Variants in CHRM3 observed in about 807,000 individuals in gnomAD.
CHRM3 encodes the protein muscarinic acetylcholine receptor M3.
A neutral mutation model predicts 41.8 loss-of-function variants in CHRM3; 11 were observed. That is an observed-to-expected ratio of 0.26 (90% confidence interval 0.17 to 0.44). The LOEUF (loss-of-function observed/expected upper bound fraction) is 0.44, where lower values mean the gene tolerates loss of function less well. CHRM3 is among the 20% of genes least tolerant of loss of function. The pLI, the probability that CHRM3 is intolerant of heterozygous loss-of-function variation, is 1.00. For missense variants in CHRM3, 571 were observed against 745.4 expected, an observed-to-expected ratio of 0.77 and a Z score of 2.72; for synonymous variants, 297 against 301.4, an observed-to-expected ratio of 0.99 and a Z score of 0.15.
At chr1:239,649,078 A>C (rs1458439489) in intron 4 of CHRM3, among the ~76,000 whole-genome samples, 1 of 152,182 alleles carries the variant, frequency 6.6e-6, no homozygotes, top group Non-Finnish European at 1.5e-5. Context: ...AGTGTTTATT[A>C]TAGAAATGTT....
chr1:239,735,688 A>C (rs1347850015), intron 5 of CHRM3, among the ~76,000 whole-genome samples: 1 of 152,072 alleles, frequency 6.6e-6, no homozygotes, highest in Non-Finnish European at 1.5e-5. Flanking sequence ...TTGCCTCTTG[A>C]GGGTTGATTT....
At chr1:239,707,013 T>C (rs1004760684) in intron 5 of CHRM3, 2 of 152,204 alleles carry the variant, frequency 1.3e-5, no homozygotes, top group African/African-American at 4.8e-5. Flanking sequence ...TGTATGGTAG[T>C]AGAAGGAACA....
chr1:239,712,768 A>G (rs900319644), intron 5 of CHRM3, among the ~76,000 whole-genome samples: 4 of 152,196 alleles, frequency 2.6e-5, no homozygotes, highest in African/African-American at 7.2e-5. Flanking sequence ...CCAATGTTTC[A>G]TCATGGACAA....
At chr1:239,855,367 G>A (rs1675021263) in intron 6 of CHRM3, among the ~76,000 whole-genome samples, 1 of 152,132 alleles carries the variant, frequency 6.6e-6, no homozygotes, top group African/African-American at 2.4e-5. Context: ...ACCTAACTCA[G>A]TGTTGACACA....
In CHRM3 at chr1:239,534,468, C is replaced by T. The variant is rs115688282; in HGVS notation, c.-421-11173C>T. ...CCATTTGATGAACTGGGATATGGAT[C>T]GCTGGCTAAGTTAATGTCATGTAAC... On this transcript the variant is annotated intron_variant, in intron 2 of 6. Transcript: ENST00000676153. 3.4e-3 allele frequency among the ~76,000 whole-genome samples: 522 copies of T among 152,300 alleles called. 4 individuals carry two copies. The highest frequency in any genetic ancestry group is 0.012 in the African/African-American group (499 of 41,568).
chr1:239,795,311 G>A (rs542141271), intron 5 of CHRM3, among the ~76,000 whole-genome samples: 3 of 152,190 alleles, frequency 2.0e-5, no homozygotes, highest in South Asian at 2.1e-4. Context: ...TTTAATTGAC[G>A]ATCCTTAAAG....
At chr1:239,607,210 T>TA (rs1666434388) in intron 3 of CHRM3, among the ~76,000 whole-genome samples, 1 of 152,158 alleles carries the variant, frequency 6.6e-6, no homozygotes, top group Non-Finnish European at 1.5e-5. Context: ...AGCATTCACT[T>TA]AATGACTCAG....
At chr1:239,889,650 T>C (rs948085994) in intron 6 of CHRM3, among the ~76,000 whole-genome samples, 1 of 152,234 alleles carries the variant, frequency 6.6e-6, no homozygotes, top group African/African-American at 2.4e-5. Context: ...CTACCTCCTG[T>C]ATCACATTCA....
chr1:239,656,852 T>G (rs1672764608), intron 4 of CHRM3, among the ~76,000 whole-genome samples: 1 of 152,194 alleles, frequency 6.6e-6, no homozygotes. Context: ...GATATATTCC[T>G]TGAAATATGT....
chr1:239,792,887 G>A (rs553453607), intron 5 of CHRM3, among the ~76,000 whole-genome samples: 6 of 152,230 alleles, frequency 3.9e-5, no homozygotes, highest in African/African-American at 7.2e-5. Context: ...CAAGACCTTC[G>A]CCTTTGTTTG....
chr1:239,560,738 G>A (rs1660778229), intron 3 of CHRM3, among the ~76,000 whole-genome samples: 1 of 151,878 alleles, frequency 6.6e-6, no homozygotes, highest in Non-Finnish European at 1.5e-5. Context: ...CTGTGTCTGG[G>A]TCCATTTTCC....
intron 3 of CHRM3, among the ~76,000 whole-genome samples, chr1:239,618,936 A>G (rs1668047208): frequency 6.7e-6 from 1 of 148,640 alleles, no homozygotes; most frequent in Non-Finnish European, 1.5e-5. Flanking sequence ...TATTTTTGAG[A>G]TGGAATCTCA....
At chr1:239,684,658 A>G (rs1048165777) in intron 5 of CHRM3, among the ~76,000 whole-genome samples, 1 of 151,322 alleles carries the variant, frequency 6.6e-6, no homozygotes, top group Non-Finnish European at 1.5e-5. Flanking sequence ...CTCAAAAAAA[A>G]GAAAAAAGAA....
chr1:239,745,351 C>T (rs1461941812), intron 5 of CHRM3, among the ~76,000 whole-genome samples: 3 of 151,856 alleles, frequency 2.0e-5, no homozygotes, highest in South Asian at 2.1e-4. Context: ...CACAGGTAGA[C>T]GTGTACCTAC....
chr1:239,628,851 C>A (rs1339898205), intron 3 of CHRM3, among the ~76,000 whole-genome samples: 1 of 69,184 alleles, frequency 1.4e-5, no homozygotes, highest in African/African-American at 7.1e-5. Context: ...AGGAGGCAGT[C>A]TGCCCGTTCT....
intron 2 of CHRM3, among the ~76,000 whole-genome samples, chr1:239,530,636 G>T (rs1477467375): frequency 1.3e-5 from 2 of 152,120 alleles, no homozygotes; most frequent in Non-Finnish European, 2.9e-5. Flanking sequence ...TAAAGTATGT[G>T]CGTGATCCTT....
intron 4 of CHRM3, among the ~76,000 whole-genome samples, chr1:239,668,482 A>G (rs904399763): frequency 2.5e-4 from 38 of 152,160 alleles, no homozygotes; most frequent in African/African-American, 8.9e-4. Context: ...TACCTTTTAC[A>G]TAAAGACCAT....
intron 4 of CHRM3, among the ~76,000 whole-genome samples, chr1:239,654,551 A>G (rs1004401363): frequency 6.6e-6 from 1 of 151,932 alleles, no homozygotes; most frequent in Non-Finnish European, 1.5e-5. Context: ...GGCACACACC[A>G]CCCATCCTGG....
intron 5 of CHRM3, among the ~76,000 whole-genome samples, chr1:239,785,466 C>CAA (rs1348454361): frequency 6.6e-6 from 1 of 152,132 alleles, no homozygotes; most frequent in East Asian, 1.9e-4. Flanking sequence ...TGTGTAAACC[C>CAA]TTCGCTTTCT....
Sources: gnomAD v4.1 joint callset for allele counts (sites outside exome capture counted in the v4.1 genomes callset) on GRCh38, gnomAD v4.1.1 for gene constraint, MANE v1.5 for transcripts, NCBI Gene and HGNC (gene_info 2026-07-23, HGNC 2026-07-21) for gene names.